Variants in TENM2 observed in about 807,000 individuals in gnomAD.
TENM2 encodes the protein teneurin-2.
TENM2 carries 52 observed loss-of-function variants against 245.2 expected under a neutral mutation model. That is an observed-to-expected ratio of 0.21 (90% CI 0.17 to 0.27). The LOEUF is 0.27. Among genes scored for constraint, TENM2 ranks in the 10% least tolerant of loss-of-function variants. TENM2 has a pLI of 1.00. For synonymous variants in TENM2, 1,363 were observed against 1,438.9 expected (o/e 0.95, Z 1.19); for missense variants, 3,046 against 3,666.8 (o/e 0.83, Z 4.37).
At chr5:167,796,738 T>C (rs779258515) in intron 2 of TENM2, among the ~76,000 whole-genome samples, 2 of 152,050 alleles carry the variant, frequency 1.3e-5, no homozygotes, top group African/African-American at 2.4e-5. Context: ...TGCCTTAACA[T>C]TCTTCGTAGG....
At chr5:167,204,968 A>C in the TENM2 span, among the ~76,000 whole-genome samples, 1 of 152,246 alleles carries the variant, frequency 6.6e-6, no homozygotes, top group Non-Finnish European at 1.5e-5. Context: ...CTTGAGCTCC[A>C]GTCTTCTCAT....
intron 12 of TENM2, among the ~76,000 whole-genome samples, chr5:168,150,148 T>C (rs1756510232): frequency 6.6e-6 from 1 of 150,866 alleles, no homozygotes; most frequent in East Asian, 1.9e-4. Flanking sequence ...ATGTGAGATC[T>C]TTAAGAACAA....
At chr5:167,210,620 C>T in the TENM2 span, among the ~76,000 whole-genome samples, 13 of 151,552 alleles carry the variant, frequency 8.6e-5, no homozygotes, top group African/African-American at 1.2e-4. Flanking sequence ...CCCGCCACCG[C>T]GCCCGGCTAA....
chr5:167,860,243 G>GC, intron 2 of TENM2, among the ~76,000 whole-genome samples: 1 of 138,010 alleles, frequency 7.2e-6, no homozygotes, highest in Non-Finnish European at 1.6e-5. Flanking sequence ...AGGTGGGGGG[G>GC]GGTCAGCCCC....
the TENM2 span, among the ~76,000 whole-genome samples, chr5:167,136,205 A>G: frequency 2.1e-4 from 32 of 152,234 alleles, no homozygotes; most frequent in South Asian, 8.3e-4. Context: ...CTGGATTATT[A>G]TTTTTTGTCT....
At chr5:167,890,250 C>A (rs989476516) in intron 3 of TENM2, among the ~76,000 whole-genome samples, 3 of 152,116 alleles carry the variant, frequency 2.0e-5, no homozygotes, top group African/African-American at 7.2e-5. Context: ...ATTCCACTTC[C>A]AATGATGTGC....
chr5:168,225,050 T>C (rs1764034215), intron 23 of TENM2, among the ~76,000 whole-genome samples: 1 of 152,196 alleles, frequency 6.6e-6, no homozygotes, highest in South Asian at 2.1e-4. Flanking sequence ...GTCAGGCCAT[T>C]TGCAGGCAGT....
At chr5:167,425,740 ATGCTGCTGC>A (rs541557775) in intron 2 of TENM2, among the ~76,000 whole-genome samples, 2 of 151,838 alleles carry the variant, frequency 1.3e-5, no homozygotes, top group East Asian at 1.9e-4. Flanking sequence ...TAAAATAACA[ATGCTGCTGC>A]TGCTGCTGCT....
intron 2 of TENM2, among the ~76,000 whole-genome samples, chr5:167,695,514 C>T (rs548445122): frequency 3.9e-5 from 6 of 152,098 alleles, no homozygotes; most frequent in East Asian, 1.9e-4. Flanking sequence ...TTGGAGGAGT[C>T]TCAGTGGGAT....
chr5:167,208,232 G>A, the TENM2 span, among the ~76,000 whole-genome samples: 40 of 152,288 alleles, frequency 2.6e-4, no homozygotes, highest in African/African-American at 9.1e-4. Context: ...TCCTTGCCAG[G>A]CATTTCATGT....
At chr5:167,498,338 T>C (rs540796142) in intron 2 of TENM2, among the ~76,000 whole-genome samples, 2 of 152,238 alleles carry the variant, frequency 1.3e-5, no homozygotes, top group Non-Finnish European at 1.5e-5. Flanking sequence ...TGGAGACCTG[T>C]CTAGTGAATG....
intron 25 of TENM2, among the ~76,000 whole-genome samples, chr5:168,236,108 T>A (rs1404327633): frequency 1.3e-5 from 2 of 152,208 alleles, no homozygotes; most frequent in African/African-American, 2.4e-5. Context: ...TAGAGCCTTA[T>A]CTTGTTGGCC....
At chr5:167,307,244 A>G (rs1022863850) in intron 1 of TENM2, among the ~76,000 whole-genome samples, 2 of 152,208 alleles carry the variant, frequency 1.3e-5, no homozygotes, top group South Asian at 4.1e-4. Flanking sequence ...GTGTTGTCAG[A>G]CAGCAGAGGC....
intron 2 of TENM2, among the ~76,000 whole-genome samples, chr5:167,438,227 A>G (rs1253834131): frequency 1.3e-5 from 2 of 152,196 alleles, no homozygotes; most frequent in African/African-American, 2.4e-5. Flanking sequence ...CAAGGATCCA[A>G]AAAGTGTTCC....
the TENM2 span, among the ~76,000 whole-genome samples, chr5:167,078,224 C>T: frequency 6.6e-6 from 1 of 152,192 alleles, no homozygotes; most frequent in South Asian, 2.1e-4. Context: ...TGGCTCATGC[C>T]TGTAATCCCA....
intron 1 of TENM2, among the ~76,000 whole-genome samples, chr5:167,288,574 A>G (rs1754443551): frequency 6.6e-6 from 1 of 150,780 alleles, no homozygotes; most frequent in Non-Finnish European, 1.5e-5. Flanking sequence ...AAAAAAAAAA[A>G]GAAAAAGAAA....
chr5:167,663,175 AGAGAGAG>A (rs1755342020), intron 2 of TENM2, among the ~76,000 whole-genome samples: 3 of 150,414 alleles, frequency 2.0e-5, no homozygotes, highest in African/African-American at 7.5e-5. Context: ...AGAGAGAGAG[AGAGAGAG>A]AGAGAAAGAG....
At chr5:167,330,107 T>C (rs1205029012) in intron 1 of TENM2, among the ~76,000 whole-genome samples, 1 of 152,208 alleles carries the variant, frequency 6.6e-6, no homozygotes, top group Admixed American at 6.5e-5. Flanking sequence ...GTCATTTAAC[T>C]TCTCTAAATG....
chr5:167,506,943 T>C (rs547478837), intron 2 of TENM2, among the ~76,000 whole-genome samples: 1 of 152,328 alleles, frequency 6.6e-6, no homozygotes, highest in Admixed American at 6.5e-5. Flanking sequence ...TTTGTGAAAG[T>C]TCCATCTTCA....
Sources: allele counts gnomAD v4.1 joint callset (sites outside exome capture counted in the v4.1 genomes callset), GRCh38; gene constraint gnomAD v4.1.1; transcripts MANE v1.5; gene names NCBI Gene and HGNC (gene_info 2026-07-23, HGNC 2026-07-21).